GTSE1: variants seen among roughly 807,000 people sequenced by gnomAD.
GTSE1 encodes G2 and S-phase expressed 1.
A neutral mutation model predicts 60.5 loss-of-function variants in GTSE1; 52 were observed. The observed-to-expected ratio is 0.86, with a 90% CI of 0.69 to 1.08. GTSE1 has a LOEUF of 1.08. Among genes scored for constraint, GTSE1 ranks in the 50% least tolerant of loss-of-function variants. The pLI, the probability that GTSE1 is intolerant of heterozygous loss-of-function variation, is 0.00. For missense variants in GTSE1, 937 were observed against 961.8 expected (o/e 0.97, Z 0.34); for synonymous variants, 368 against 386.5 (o/e 0.95, Z 0.56).
At position 46,329,614 on chromosome 22, in the gene GTSE1, C is replaced by G. The variant is rs754040748; in HGVS notation, c.2136+47C>G. 2.7e-6 allele frequency: 4 copies of G among 1,475,366 alleles called. No individual in the cohort carries two copies. In the East Asian group the frequency reaches 9.0e-5, roughly 33 times the overall value. The allele number at this position is 1,475,366 out of a possible 1,614,324, so 91.4% of individuals were successfully genotyped here. Reference sequence around the variant, plus strand: ...ATGTTGACTCAGCCCTGGGTGTCCTCAGTTCTGGGATTGTTCATCCTCCCA... The same window carrying G: ...ATGTTGACTCAGCCCTGGGTGTCCTGAGTTCTGGGATTGTTCATCCTCCCA... On this transcript the variant is annotated intron_variant, in intron 11 of 11. Transcript: ENST00000454366. This position sits in a 1 kb window ranked among gnomAD's most constrained non-coding sequence, Gnocchi z 6.4.
Position 46,308,321 on chromosome 22 carries a change from C to A in GTSE1, c.140C>A (p.Ala47Glu), listed in dbSNP as rs1439452333. The A allele has an allele frequency of 6.2e-7, 1 of 1,611,838 alleles. No homozygotes were observed. The highest frequency in any genetic ancestry group is 8.5e-7 in the Non-Finnish European group (1 of 1,178,280). ...TCATTCTTTTTTTAAACAAATAGTG[C>A]AAATGAAGATGATGAAGTCTTCTTC... ...DFDLSLSSSS[A>E]NEDDEVFFGP... Residue 47 changes from alanine (A) to glutamate (E), a missense_variant and splice_region_variant, in exon 4 of 12, where the codon GCA becomes GAA. Ala to Glu is a moderately radical substitution (Grantham distance 107, BLOSUM62 -1). Transcript: ENST00000454366.
chr22:46,313,987 C>G lies in GTSE1; in HGVS notation c.1025C>G (p.Ala342Gly). Residue 342 changes from alanine (A) to glycine (G), a missense_variant, in exon 6 of 12, where the codon GCG (alanine) becomes GGG (glycine). By Grantham distance (60) the Ala-to-Gly change is moderately conservative. Coordinates refer to ENST00000454366, the MANE Select transcript of GTSE1 (RefSeq NM_016426.7). The surrounding 1 kb of genome is among the most constrained non-coding windows in gnomAD (Gnocchi z 4.4). ...CCTGTTTGGAGCGGGGCATCCAGTG[C>G]GTGCACATCCCCAGCAGTGGGCAAA... ...SGPVWSGASS[A>G]CTSPAVGKAK... The G allele has an allele frequency of 6.2e-7, 1 of 1,614,170 alleles. No individual in the cohort carries two copies. Among genetic ancestry groups the G allele is most frequent in the South Asian group, 1.1e-5 (1 of 91,084 alleles).
chr22:46,298,599 C>T (rs1463572037), intron 2 of GTSE1, among the ~76,000 whole-genome samples: 2 of 152,116 alleles, frequency 1.3e-5, no homozygotes, highest in East Asian at 1.9e-4. Flanking sequence ...TGAACCACCG[C>T]GCCTGGCCCC....
Position 46,316,217 on chromosome 22 carries a change from C to A in GTSE1, c.1237C>A (p.Pro413Thr). 1.9e-6 allele frequency: 3 copies of A among 1,613,354 alleles called. No individual in the cohort carries two copies. Among genetic ancestry groups the A allele is most frequent in the Non-Finnish European group, 1.7e-6 (2 of 1,179,706 alleles). The change falls in exon 7 of 12, where the codon CCC becomes ACC. Residue 413 changes from proline to threonine, a missense_variant. Pro to Thr is a conservative substitution (Grantham distance 38). Transcript: ENST00000454366. The surrounding 1 kb of genome is among the most constrained non-coding windows in gnomAD (Gnocchi z 5.0). ...SELAAEQLTAPPSASPTQPQT... is the reference protein window; with the variant it reads ...SELAAEQLTATPSASPTQPQT... The stretch of plus-strand genomic sequence containing the variant: ...GCTGGCAGCGGAGCAGCTCACGGCA[C>A]CCCCCTCAGCATCCCCCACCCAACC...
At position 46,297,599 on chromosome 22, in the gene GTSE1, A is replaced by G; in HGVS notation, c.79+120A>G. On this transcript the variant is annotated intron_variant, in intron 2 of 11. Transcript: ENST00000454366. The surrounding 1 kb of genome is among the most constrained non-coding windows in gnomAD (Gnocchi z 4.9). ...GCTCGACTTGTACTCTGCACCTGTGAAACACATGACATCTGCCTTCGTTTT... is the reference window on the plus strand; with the variant it reads ...GCTCGACTTGTACTCTGCACCTGTGGAACACATGACATCTGCCTTCGTTTT... The G allele has an allele frequency of 1.4e-6, 1 of 699,376 alleles. No individual in the cohort carries two copies. The highest frequency in any genetic ancestry group is 1.8e-5 in the South Asian group (1 of 56,932). The allele number at this position is 699,376 out of a possible 1,614,324, so 43.3% of individuals were successfully genotyped here. A position where few individuals can be genotyped will look rare whatever the true frequency, so the allele number is the denominator to read the frequency against.
rs527981430 is a variant in GTSE1 at position 46,330,207 on chromosome 22, C to A, written c.*77C>A. The A allele has an allele frequency of 4.6e-6, 4 of 868,880 alleles. No homozygotes were observed. The highest frequency in any genetic ancestry group is 3.3e-5 in the African/African-American group (2 of 60,932). The allele number at this position is 868,880 out of a possible 1,614,324, so 53.8% of individuals were successfully genotyped here. ...CCTCAGAAACAAGCTTTAGGCTGGTCGCAGTGGCTTACACTTGTAACCCTA... is the reference window on the plus strand; with the variant it reads ...CCTCAGAAACAAGCTTTAGGCTGGTAGCAGTGGCTTACACTTGTAACCCTA... On this transcript the variant is annotated 3_prime_UTR_variant, in exon 12 of 12. Transcript: ENST00000454366. This position sits in a 1 kb window ranked among gnomAD's most constrained non-coding sequence, Gnocchi z 6.0.
At chr22:46,322,625 T>C (rs978384473) in intron 7 of GTSE1, among the ~76,000 whole-genome samples, 1 of 152,212 alleles carries the variant, frequency 6.6e-6, no homozygotes, top group African/African-American at 2.4e-5. Context: ...CTTTGCCCTC[T>C]GAGCCTGCTT....
chr22:46,330,484 GA>G lies in GTSE1; in HGVS notation c.*367del, dbSNP rs200200417. Reference sequence around the variant, plus strand: ...GGCACCAATGTGAGAACCTGTCTTGGAAAAAAAAAAAAAGAAACATGTTTTA... The same window carrying G: ...GGCACCAATGTGAGAACCTGTCTTGGAAAAAAAAAAAAGAAACATGTTTTA... On this transcript the variant is annotated 3_prime_UTR_variant, in exon 12 of 12. Transcript: ENST00000454366. The surrounding 1 kb of genome is among the most constrained non-coding windows in gnomAD (Gnocchi z 6.0). The G allele has an allele frequency of 0.012, 1,797 of 147,836 alleles. No homozygotes were observed. Among genetic ancestry groups the G allele is most frequent in the South Asian group, 0.032 (162 of 5,136 alleles). The allele number at this position is 147,836 out of a possible 1,614,324, so 9.2% of individuals were successfully genotyped here.
chr22:46,323,349 C>G, intron 8 of GTSE1, 87 bp downstream of exon 8: 9 of 1,039,130 alleles, frequency 8.7e-6, no homozygotes, highest in Non-Finnish European at 1.4e-5. Flanking sequence ...AACCCTGCAG[C>G]CTGGCCTGCG....
intron 8 of GTSE1, 80 bp downstream of exon 8, chr22:46,323,342 C>A: frequency 9.0e-7 from 1 of 1,107,966 alleles, no homozygotes; most frequent in Non-Finnish European, 1.4e-6. Context: ...ATTTGGTAAC[C>A]CTGCAGCCTG....
Position 46,314,017 on chromosome 22 carries a change from A to T in GTSE1, c.1051+4A>T, listed in dbSNP as rs746691494. 28 of 1,613,772 alleles carry T rather than the reference A, an allele frequency of 1.7e-5. No homozygotes were observed. The highest frequency in any genetic ancestry group is 2.2e-5 in the Non-Finnish European group (26 of 1,179,830). On this transcript the variant is annotated splice_donor_region_variant and intron_variant, in intron 6 of 11. Transcript: ENST00000454366. This position sits in a 1 kb window ranked among gnomAD's most constrained non-coding sequence, Gnocchi z 7.1. ...ACATCCCCAGCAGTGGGCAAAGGTG[A>T]GGCAGCCGGCATCATGCTTGGACCC...
intron 9 of GTSE1, among the ~76,000 whole-genome samples, chr22:46,328,067 G>A (rs184301805): frequency 4.4e-4 from 67 of 152,380 alleles, no homozygotes; most frequent in Admixed American, 4.1e-3. Flanking sequence ...AAGGTACTGT[G>A]TGTTAGTTGA....
intron 9 of GTSE1, chr22:46,327,326 A>G (rs1417826040): frequency 1.3e-5 from 2 of 152,248 alleles, no homozygotes; most frequent in Non-Finnish European, 2.9e-5. Context: ...GATTCCAATG[A>G]AGTCACACCT....
In GTSE1 at chr22:46,326,424, T is replaced by G; in HGVS notation, c.1506-12T>G. On this transcript the variant is annotated splice_polypyrimidine_tract_variant and intron_variant, in intron 8 of 11. Transcript: ENST00000454366. The stretch of plus-strand genomic sequence containing the variant: ...TCATCTCAGCTCACGACACTGATGT[T>G]GTGTTTGCCAGGGTCACTGTCCACA... The G allele has an allele frequency of 7.6e-6, 12 of 1,588,054 alleles. No homozygotes were observed. Among genetic ancestry groups the G allele is most frequent in the Non-Finnish European group, 1.0e-5 (12 of 1,159,750 alleles).
intron 9 of GTSE1, 190 bp downstream of exon 9, chr22:46,326,844 T>C: frequency 1.9e-6 from 1 of 526,016 alleles, no homozygotes; most frequent in East Asian, 3.2e-5. Flanking sequence ...ATTAAAGGTA[T>C]TACAAGGAAA....
rs777237468 is a variant in GTSE1, at chr22:46,312,274, A to C, written c.896A>C (p.Gln299Pro). ...NVPAAGSHLG[Q>P]GKRAIPVPNK... ...CCGGCCGCCGGAAGCCACTTGGGCC[A>C]GGGCAAGCGGGCGATCCCTGTTCCA... Residue 299 changes from glutamine (Q) to proline (P), a missense_variant, in exon 5 of 12, where the codon CAG (glutamine) becomes CCG (proline). By Grantham distance (76) the Gln-to-Pro change is moderately conservative (BLOSUM62 -1). Transcript: ENST00000454366. The C allele has an allele frequency of 1.7e-5, 27 of 1,613,806 alleles. No individual in the cohort carries two copies. The highest frequency in any genetic ancestry group is 2.2e-5 in the Non-Finnish European group (26 of 1,179,884).
At chr22:46,312,357 G>C (rs373414548) in intron 5 of GTSE1, 52 bp downstream of exon 5, 22 of 1,548,660 alleles carry the variant, frequency 1.4e-5, no homozygotes, top group Non-Finnish European at 1.8e-5. Context: ...TGAGGTGGCA[G>C]CTGTGTGTAC....
chr22:46,299,941 C>T lies in GTSE1; in HGVS notation c.79+2462C>T, dbSNP rs9627393. On this transcript the variant is annotated intron_variant, in intron 2 of 11. Transcript: ENST00000454366. The stretch of plus-strand genomic sequence containing the variant: ...CTGAGTATCTGGGACTACAGGCGCC[C>T]GCCACCACGCCCAGCTAATTTTTTT... 8.0e-3 allele frequency among the ~76,000 whole-genome samples: 1,181 copies of T among 146,792 alleles called. 18 individuals carry two copies. The highest frequency in any genetic ancestry group is 0.028 in the African/African-American group (1,121 of 39,680).
chr22:46,323,169 C>T (rs1389727817), intron 7 of GTSE1, 21 bp from the exon 8 acceptor site: 1 of 1,581,038 alleles, frequency 6.3e-7, no homozygotes, highest in Non-Finnish European at 8.7e-7. Flanking sequence ...CCTGACCGCA[C>T]ACTTCCTTTC....
Sources: allele counts gnomAD v4.1 joint callset (sites outside exome capture counted in the v4.1 genomes callset), GRCh38; gene constraint gnomAD v4.1.1; non-coding constraint Gnocchi (gnomAD v3.1); transcripts MANE v1.5; gene names NCBI Gene and HGNC (gene_info 2026-07-23, HGNC 2026-07-21).